Variants in C11orf65 observed in about 807,000 individuals in gnomAD.
C11orf65 encodes the protein chromosome 11 open reading frame 65, also known as protein MFI.
A neutral mutation model predicts 35.3 loss-of-function variants in C11orf65; 38 were observed. That is an observed-to-expected ratio of 1.08 (90% CI 0.83 to 1.41). The LOEUF (loss-of-function observed/expected upper bound fraction) is 1.41, where lower values mean the gene tolerates loss of function less well. Ranked by LOEUF, C11orf65 falls within the 40% of genes most tolerant of loss-of-function variation. The probability of loss-of-function intolerance (pLI) is 0.00; values close to 1 mark genes in which losing one functional copy is unlikely to be tolerated. For synonymous variants in C11orf65, 105 were observed against 114.4 expected, an observed-to-expected ratio of 0.92 and a Z score of 0.53; for missense variants, 370 against 367.1, an observed-to-expected ratio of 1.01 and a Z score of -0.06.
downstream of C11orf65, among the ~76,000 whole-genome samples, chr11:108,328,856 C>T (rs1055579151): frequency 1.4e-4 from 22 of 152,166 alleles, no homozygotes; most frequent in Non-Finnish European, 3.1e-4. Flanking sequence ...GGGCCACATG[C>T]GGCCCATGGG....
chr11:108,464,893 C>G (rs1565736277), intron 1 of C11orf65, among the ~76,000 whole-genome samples: 1 of 151,936 alleles, frequency 6.6e-6, no homozygotes, highest in South Asian at 2.1e-4. Flanking sequence ...AAACCTAACA[C>G]TGCCAAACTG....
upstream of C11orf65, among the ~76,000 whole-genome samples, chr11:108,468,239 T>C (rs903925612): frequency 2.6e-5 from 4 of 152,260 alleles, no homozygotes; most frequent in Non-Finnish European, 5.9e-5. Flanking sequence ...AATACGTGAC[T>C]TGCAGTCCAA....
intron 2 of C11orf65, among the ~76,000 whole-genome samples, chr11:108,375,856 C>A (rs2091708803): frequency 6.6e-6 from 1 of 152,102 alleles, no homozygotes. Flanking sequence ...ATAAAACAGA[C>A]TTTAAACCAA....
intron 6 of C11orf65, among the ~76,000 whole-genome samples, chr11:108,317,118 A>T (rs2084735548): frequency 6.7e-6 from 1 of 149,652 alleles, no homozygotes; most frequent in Non-Finnish European, 1.5e-5. Context: ...AAAAAAAAAA[A>T]TTGTAGAGAC....
rs1180732646 is a variant in C11orf65, at chr11:108,334,360, G to T, written c.299+860C>A. ...AATGTATTGGCTGTGATATATCACA[G>T]TATTAAGTAATATAGTATGTATTAT... On this transcript the variant is annotated intron_variant, in intron 3 of 3. Coordinates refer to the C11orf65 transcript ENST00000524755. Among the ~76,000 whole-genome samples, 4 of 152,282 alleles carry T rather than the reference G, an allele frequency of 2.6e-5. No individual in the cohort carries two copies. In the East Asian group the frequency reaches 7.7e-4, roughly 29 times the overall value.
At position 108,317,495 on chromosome 11, in the gene C11orf65, G is replaced by A. The variant is rs765763407; in HGVS notation, c.641-8424C>T. The A allele has an allele frequency of 6.2e-7, 1 of 1,610,990 alleles. No homozygotes were observed. The highest frequency in any genetic ancestry group is 8.5e-7 in the Non-Finnish European group (1 of 1,178,962). Reference sequence around the variant, plus strand: ...ATTACCAAGCAGCATGGAGGAATATGCAGTGGGACCATTGCACTTCCGTCA... The same window carrying A: ...ATTACCAAGCAGCATGGAGGAATATACAGTGGGACCATTGCACTTCCGTCA... On this transcript the variant is annotated intron_variant, in intron 6 of 6. Transcript: ENST00000525729.
At chr11:108,423,136 T>C (rs1423426292) in intron 3 of C11orf65, among the ~76,000 whole-genome samples, 1 of 151,894 alleles carries the variant, frequency 6.6e-6, no homozygotes, top group Non-Finnish European at 1.5e-5. Context: ...GGGCCCTGGG[T>C]TTCAAGCACA....
At chr11:108,437,795 T>G (rs1466591868) in intron 2 of C11orf65, among the ~76,000 whole-genome samples, 1 of 149,860 alleles carries the variant, frequency 6.7e-6, no homozygotes, top group Non-Finnish European at 1.5e-5. Flanking sequence ...AGCCTTAGTA[T>G]TGTTAAGATG....
chr11:108,428,874 T>C (rs2092946349), intron 3 of C11orf65, among the ~76,000 whole-genome samples: 1 of 152,070 alleles, frequency 6.6e-6, no homozygotes, highest in African/African-American at 2.4e-5. Context: ...CAGCTTGGTG[T>C]AGTGGCTCAT....
intron 3 of C11orf65, chr11:108,331,653 G>C: frequency 7.1e-7 from 1 of 1,416,076 alleles, no homozygotes; most frequent in East Asian, 2.6e-5. Flanking sequence ...CTAAGAAATG[G>C]AAATACAAAA....
chr11:108,397,997 ATG>A (rs2092359400), intron 6 of C11orf65, among the ~76,000 whole-genome samples: 1 of 152,208 alleles, frequency 6.6e-6, no homozygotes, highest in African/African-American at 2.4e-5. Flanking sequence ...GTGTCTAGGT[ATG>A]TAAGGGAAGG....
At position 108,345,925 on chromosome 11, in the gene C11orf65, T is replaced by C. The variant is rs2088320406; in HGVS notation, c.227-10633A>G. On this transcript the variant is annotated intron_variant, in intron 2 of 3. Coordinates refer to the C11orf65 transcript ENST00000524755. The stretch of plus-strand genomic sequence containing the variant: ...CTTCTATTGGTAATCTTCTTGTACA[T>C]ATAGTAGATTGAGCACTTTGTTGTT... 6.2e-7 allele frequency: 1 copy of C among 1,612,854 alleles called. No individual in the cohort carries two copies. Among genetic ancestry groups the C allele is most frequent in the Non-Finnish European group, 8.5e-7 (1 of 1,179,112 alleles).
intron 2 of C11orf65, among the ~76,000 whole-genome samples, chr11:108,337,535 G>GGT (rs2086980921): frequency 6.6e-6 from 1 of 152,064 alleles, no homozygotes; most frequent in Non-Finnish European, 1.5e-5. Context: ...GCAAGATTAG[G>GGT]GTAGAACCTG....
intron 2 of C11orf65, among the ~76,000 whole-genome samples, chr11:108,338,132 T>C (rs1321052896): frequency 2.0e-5 from 3 of 152,228 alleles, no homozygotes; most frequent in Non-Finnish European, 4.4e-5. Context: ...GCGGATCACT[T>C]GAGGCCAGGA....
intron 3 of C11orf65, among the ~76,000 whole-genome samples, chr11:108,414,305 C>G (rs1003396678): frequency 6.6e-6 from 1 of 151,732 alleles, no homozygotes; most frequent in African/African-American, 2.4e-5. Context: ...CCACACACAT[C>G]CCCTTTTTTT....
At chr11:108,392,429 G>C in intron 7 of C11orf65, among the ~76,000 whole-genome samples, 2 of 308 alleles carry the variant, frequency 6.5e-3, no homozygotes, top group South Asian at 0.33. Context: ...CATTTGGGGT[G>C]TCTTCTGCTT....
At chr11:108,404,109 C>A (rs1344185849) in intron 6 of C11orf65, among the ~76,000 whole-genome samples, 1 of 152,182 alleles carries the variant, frequency 6.6e-6, no homozygotes, top group African/African-American at 2.4e-5. Context: ...TCCAGTCAAA[C>A]CATCCATCAA....
intron 2 of C11orf65, among the ~76,000 whole-genome samples, chr11:108,450,108 G>T (rs2093325951): frequency 6.6e-6 from 1 of 151,942 alleles, no homozygotes; most frequent in Admixed American, 6.6e-5. Context: ...AGTTAGAATG[G>T]CGATCATTAA....
intron 2 of C11orf65, among the ~76,000 whole-genome samples, chr11:108,376,402 G>A (rs2091727936): frequency 6.6e-6 from 1 of 152,138 alleles, no homozygotes; most frequent in South Asian, 2.1e-4. Flanking sequence ...CGAAATGAAG[G>A]CAGAAACAAA....
Sources: gnomAD v4.1 joint callset for allele counts (sites outside exome capture counted in the v4.1 genomes callset) on GRCh38, gnomAD v4.1.1 for gene constraint, MANE v1.5 for transcripts, NCBI Gene and HGNC (gene_info 2026-07-23, HGNC 2026-07-21) for gene names.